The following RYR2 variants were observed in gnomAD, a reference collection of about 807,000 sequenced individuals.
RYR2 encodes the protein cardiac muscle ryanodine receptor-calcium release channel.
A neutral mutation model predicts 601.1 loss-of-function variants in RYR2; 227 were observed. That is an observed-to-expected ratio of 0.38 (90% CI 0.34 to 0.42). The LOEUF (loss-of-function observed/expected upper bound fraction) is 0.42. Among genes scored for constraint, RYR2 ranks in the 10% least tolerant of loss-of-function variants. RYR2 has a pLI of 1.00. For synonymous variants in RYR2, 2,223 were observed against 2,175.1 expected, an observed-to-expected ratio of 1.02 and a Z score of -0.61; for missense variants, 4,646 against 6,156.5, an observed-to-expected ratio of 0.75 and a Z score of 8.21.
chr1:237,472,172 A>G (rs1660801100), intron 17 of RYR2, among the ~76,000 whole-genome samples: 1 of 152,336 alleles, frequency 6.6e-6, no homozygotes, highest in South Asian at 2.1e-4. Context: ...TGAGATGCAC[A>G]TGTGTATGTA....
At chr1:237,091,143 C>T (rs951033856) in intron 1 of RYR2, among the ~76,000 whole-genome samples, 2 of 152,068 alleles carry the variant, frequency 1.3e-5, no homozygotes, top group Non-Finnish European at 1.5e-5. Context: ...TGGCTTGGGA[C>T]ATGGACTGAA....
Position 237,091,999 on chromosome 1 carries a change from T to G in RYR2, c.48+49430T>G, listed in dbSNP as rs17612250. On this transcript the variant is annotated intron_variant, in intron 1 of 104. Transcript: ENST00000366574. ...GGAGAGATGTTTTGATAGCCATATG[T>G]TCATTATTTCTTTTATTTTGTCCTG... 2.5e-3 allele frequency among the ~76,000 whole-genome samples: 377 copies of G among 152,334 alleles called. 1 individual carries two copies. The highest frequency in any genetic ancestry group is 8.1e-3 in the African/African-American group (336 of 41,574).
chr1:237,139,251 A>T (rs1227314794), intron 1 of RYR2, among the ~76,000 whole-genome samples: 1 of 152,246 alleles, frequency 6.6e-6, no homozygotes, highest in Non-Finnish European at 1.5e-5. Context: ...TCTTGAAAAC[A>T]TTATCCTGAG....
chr1:237,200,759 T>C (rs1681102730), intron 1 of RYR2, among the ~76,000 whole-genome samples: 1 of 152,180 alleles, frequency 6.6e-6, no homozygotes, highest in Non-Finnish European at 1.5e-5. Flanking sequence ...GAAAACAGCA[T>C]AGTACGTTTT....
intron 8 of RYR2, 24 bp from the exon 9 acceptor site, chr1:237,387,257 G>A: frequency 6.2e-7 from 1 of 1,607,134 alleles, no homozygotes; most frequent in Non-Finnish European, 8.5e-7. Context: ...CTGAAGTGAT[G>A]CCTCCTTTTG....
intron 10 of RYR2, among the ~76,000 whole-genome samples, chr1:237,407,608 T>G (rs1378124277): frequency 1.9e-5 from 1 of 51,862 alleles, no homozygotes; most frequent in Admixed American, 2.0e-4. Context: ...AAATTGTGGT[T>G]GTTTTTTTTT....
At position 237,551,251 on chromosome 1, in the gene RYR2, C is replaced by T. The variant is rs201649193; in HGVS notation, c.3214+560C>T. 2.3e-3 allele frequency among the ~76,000 whole-genome samples: 347 copies of T among 152,148 alleles called. 3 individuals carry two copies. The highest frequency in any genetic ancestry group is 8.0e-3 in the African/African-American group (332 of 41,508). Reference sequence around the variant, plus strand: ...TACCTTTGAAGAATGTAGTTTAGGCCGGGCATGGTGGCTCACGCCTGTAAT... The same window carrying T: ...TACCTTTGAAGAATGTAGTTTAGGCTGGGCATGGTGGCTCACGCCTGTAAT... On this transcript the variant is annotated intron_variant, in intron 27 of 104. Coordinates refer to ENST00000366574, the MANE Select transcript of RYR2 (RefSeq NM_001035.3).
At chr1:237,395,999 A>T (rs1413481336) in intron 10 of RYR2, among the ~76,000 whole-genome samples, 1 of 152,200 alleles carries the variant, frequency 6.6e-6, no homozygotes, top group Non-Finnish European at 1.5e-5. Flanking sequence ...TGAGGTATAT[A>T]TGGGAATCTG....
chr1:237,500,085 T>G (rs1664473733), intron 20 of RYR2, among the ~76,000 whole-genome samples: 1 of 152,228 alleles, frequency 6.6e-6, no homozygotes, highest in African/African-American at 2.4e-5. Context: ...CCAATTGGCC[T>G]ATAGTTGTCT....
chr1:237,783,828 G>C lies in RYR2; in HGVS notation c.12116G>C (p.Gly4039Ala). The C allele has an allele frequency of 6.2e-7, 1 of 1,613,824 alleles. No homozygotes were observed. The highest frequency in any genetic ancestry group is 8.5e-7 in the Non-Finnish European group (1 of 1,179,844). ...ACTTTTAAAGAATATGACCCCGATG[G>C]CAAGGGAGTCATTTCCAAGAGGGAC... ...SDTFKEYDPD[G>A]KGVISKRDFH... is the part of the protein sequence containing the mutation. Residue 4039 changes from glycine to alanine, a missense_variant, in exon 90 of 105, where the codon GGC (glycine) becomes GCC (alanine). Coordinates refer to ENST00000366574, the MANE Select transcript of RYR2 (RefSeq NM_001035.3).
intron 100 of RYR2, among the ~76,000 whole-genome samples, chr1:237,817,609 T>G (rs1453351302): frequency 1.3e-5 from 2 of 152,242 alleles, no homozygotes; most frequent in African/African-American, 4.8e-5. Flanking sequence ...GAAATGAGTA[T>G]AATTGGCACA....
chr1:237,784,028 T>C lies in RYR2; in HGVS notation c.12316T>C (p.Ser4106Pro). 2 of 1,613,984 alleles carry C rather than the reference T, an allele frequency of 1.2e-6. No homozygotes were observed. The highest frequency in any genetic ancestry group is 1.7e-6 in the Non-Finnish European group (2 of 1,179,878). Residue 4106 changes from serine (S) to proline (P), a missense_variant, in exon 90 of 105, where the codon TCT becomes CCT. Physicochemically the swap from Ser to Pro is moderately conservative, Grantham distance 74 (BLOSUM62 -1). This residue lies in a region of RYR2 where 70 missense variants were observed against 164.6 expected (regional missense o/e 0.43). Coordinates refer to ENST00000366574, the MANE Select transcript of RYR2 (RefSeq NM_001035.3). This position sits in a 1 kb window ranked among gnomAD's most constrained non-coding sequence, Gnocchi z 7.1. ...FNVAVLLTNL[S>P]EHMPNDTRLQ... ...CGTCGCCGTCCTTCTGACAAACCTC[T>C]CTGAGCACATGCCCAACGATACCCG...
At chr1:237,327,985 G>A (rs1434730285) in intron 2 of RYR2, among the ~76,000 whole-genome samples, 1 of 152,210 alleles carries the variant, frequency 6.6e-6, no homozygotes, top group African/African-American at 2.4e-5. Context: ...ATGTTGGTCT[G>A]AAATCAGTCT....
At chr1:237,421,980 C>G (rs1462912274) in intron 11 of RYR2, among the ~76,000 whole-genome samples, 1 of 151,978 alleles carries the variant, frequency 6.6e-6, no homozygotes, top group Non-Finnish European at 1.5e-5. Flanking sequence ...TGAATCTTTT[C>G]TACTCATTCG....
intron 34 of RYR2, among the ~76,000 whole-genome samples, chr1:237,599,996 T>G (rs1676324165): frequency 6.6e-6 from 1 of 152,048 alleles, no homozygotes; most frequent in African/African-American, 2.4e-5. Context: ...ATGTCCATAG[T>G]ACAAAAAGTA....
rs5781983 is a variant in RYR2, at chr1:237,714,991, C to CAAA, written c.10324-2177_10324-2175dup. Among the ~76,000 whole-genome samples the CAAA allele has an allele frequency of 2.3e-3, 102 of 44,420 alleles. 1 individual carries two copies. The highest frequency in any genetic ancestry group is 5.5e-3 in the African/African-American group (91 of 16,596). The allele number at this position is 44,420 out of a possible 152,430, so 29.1% of individuals were successfully genotyped here. ...CTGGTGACAGAGCGAGACTCCATCT[C>CAAA]AAAAAAAAAAAAAAAAAAAAAAAAA... On this transcript the variant is annotated intron_variant, in intron 71 of 104. Coordinates refer to ENST00000366574, the MANE Select transcript of RYR2 (RefSeq NM_001035.3).
intron 1 of RYR2, among the ~76,000 whole-genome samples, chr1:237,257,262 A>G (rs1249355754): frequency 6.6e-6 from 1 of 152,184 alleles, no homozygotes; most frequent in African/African-American, 2.4e-5. Context: ...TACTCTTACA[A>G]TGGCTCTTTC....
At chr1:237,212,366 T>C (rs533321934) in intron 1 of RYR2, among the ~76,000 whole-genome samples, 1 of 152,338 alleles carries the variant, frequency 6.6e-6, no homozygotes, top group East Asian at 1.9e-4. Context: ...TTAATGAACA[T>C]TTAAGTTGTT....
chr1:237,521,786 A>C (rs1254858363), intron 24 of RYR2, among the ~76,000 whole-genome samples: 1 of 152,034 alleles, frequency 6.6e-6, no homozygotes, highest in East Asian at 1.9e-4. Context: ...CATTGCTTTT[A>C]AGTTAAATAT....
Sources: allele counts gnomAD v4.1 joint callset (sites outside exome capture counted in the v4.1 genomes callset), GRCh38; gene constraint gnomAD v4.1.1; regional missense constraint gnomAD v4.1.1; non-coding constraint Gnocchi (gnomAD v3.1); transcripts MANE v1.5; gene names NCBI Gene and HGNC (gene_info 2026-07-23, HGNC 2026-07-21).